PXDNL: variants seen among roughly 807,000 people sequenced by gnomAD.
The protein encoded by PXDNL is probable oxidoreductase PXDNL.
A neutral mutation model predicts 150.8 loss-of-function variants in PXDNL; 145 were observed. The observed-to-expected ratio is 0.96, with a 90% CI of 0.84 to 1.10. The LOEUF (loss-of-function observed/expected upper bound fraction) is 1.10, where lower values mean the gene tolerates loss of function less well. Ranked by LOEUF, PXDNL falls within the 50% of genes least tolerant of loss-of-function variation. The pLI, the probability that PXDNL is intolerant of heterozygous loss-of-function variation, is 0.00. For synonymous variants in PXDNL, 757 were observed against 725.7 expected, an observed-to-expected ratio of 1.04 and a Z score of -0.69; for missense variants, 2,087 against 1,873.9, an observed-to-expected ratio of 1.11 and a Z score of -2.10.
At chr8:51,404,378 C>A (rs1171654515) in intron 17 of PXDNL, among the ~76,000 whole-genome samples, 3 of 151,850 alleles carry the variant, frequency 2.0e-5, no homozygotes, top group African/African-American at 7.3e-5. Flanking sequence ...TGTTTACAAT[C>A]CCTGAGCTAG....
At chr8:51,778,163 C>G (rs1309469299) in intron 1 of PXDNL, among the ~76,000 whole-genome samples, 1 of 151,892 alleles carries the variant, frequency 6.6e-6, no homozygotes, top group Non-Finnish European at 1.5e-5. Context: ...AATGAAACCC[C>G]TACTAAAAAT....
chr8:51,448,884 G>A (rs1336443382), intron 11 of PXDNL, 118 bp downstream of exon 11: 2 of 706,280 alleles, frequency 2.8e-6, no homozygotes, highest in African/African-American at 3.5e-5. Flanking sequence ...ATTATTTTCT[G>A]TGTAATTTTT....
At chr8:51,486,771 TATATATATATATATATATATATA>T (rs1563433416) in intron 5 of PXDNL, among the ~76,000 whole-genome samples, 27 of 8,810 alleles carry the variant, frequency 3.1e-3, no homozygotes, top group Admixed American at 5.5e-3. Flanking sequence ...TATATATATA[TATATATATATATATATATATATA>T]TTTTTTTTTT....
rs530750202 is a variant in PXDNL, at chr8:51,453,466, T to A, written c.1249+53A>T. 27 of 1,566,152 alleles carry A rather than the reference T, an allele frequency of 1.7e-5. No individual in the cohort carries two copies. In the African/African-American group the frequency reaches 3.6e-4, roughly 21 times the overall value. On this transcript the variant is annotated intron_variant, in intron 10 of 22. Transcript: ENST00000356297. Reference sequence around the variant, plus strand: ...TGACATTATTTAAGTTGAAAAATAATTTTCTGAGTGTGGCAGGAGGAACAT... The same window carrying A: ...TGACATTATTTAAGTTGAAAAATAAATTTCTGAGTGTGGCAGGAGGAACAT...
intron 9 of PXDNL, among the ~76,000 whole-genome samples, chr8:51,454,848 A>T (rs1301555049): frequency 1.3e-5 from 2 of 152,208 alleles, no homozygotes; most frequent in African/African-American, 2.4e-5. Flanking sequence ...AGCTGCATGA[A>T]CAGAGGACAG....
chr8:51,550,094 C>A (rs4416812), intron 4 of PXDNL, among the ~76,000 whole-genome samples: 55,248 of 151,886 alleles, frequency 0.36, 11,293 homozygotes, highest in African/African-American at 0.54. Context: ...GAGATGAATA[C>A]ATTCCTGGAA....
chr8:51,421,665 C>T (rs1420238505), intron 14 of PXDNL, among the ~76,000 whole-genome samples: 6 of 152,156 alleles, frequency 3.9e-5, no homozygotes, highest in Non-Finnish European at 8.8e-5. Context: ...TGCCCCTGCA[C>T]TCCAGCCTGG....
intron 2 of PXDNL, among the ~76,000 whole-genome samples, chr8:51,641,859 T>C (rs1160025310): frequency 6.6e-6 from 1 of 152,142 alleles, no homozygotes; most frequent in Non-Finnish European, 1.5e-5. Context: ...TTACTGGGTA[T>C]ATACCAAAAG....
chr8:51,333,993 C>G (rs1805768791), intron 21 of PXDNL, among the ~76,000 whole-genome samples: 3 of 152,068 alleles, frequency 2.0e-5, no homozygotes, highest in Admixed American at 6.5e-5. Context: ...ACAGAACACT[C>G]CATTCAACAA....
At chr8:51,514,589 C>T (rs1811496054) in intron 4 of PXDNL, among the ~76,000 whole-genome samples, 1 of 152,170 alleles carries the variant, frequency 6.6e-6, no homozygotes, top group Non-Finnish European at 1.5e-5. Context: ...TAAATGCCTT[C>T]CAATACATAG....
intron 3 of PXDNL, among the ~76,000 whole-genome samples, chr8:51,590,547 G>A (rs1813422202): frequency 6.6e-6 from 1 of 152,168 alleles, no homozygotes; most frequent in Admixed American, 6.5e-5. Context: ...ATGTCCAGAA[G>A]GTGGCAAATG....
At chr8:51,519,929 GA>G (rs957916360) in intron 4 of PXDNL, among the ~76,000 whole-genome samples, 1 of 152,180 alleles carries the variant, frequency 6.6e-6, no homozygotes, top group African/African-American at 2.4e-5. Flanking sequence ...CCTTCAGGCA[GA>G]AAAAAACCAC....
At position 51,408,871 on chromosome 8, in the gene PXDNL, C is replaced by T. The variant is rs376644287; in HGVS notation, c.2753G>A (p.Gly918Asp). Residue 918 changes from glycine (G) to aspartate (D), a missense_variant, in exon 17 of 23, where the codon GGT becomes GAT. Physicochemically the swap from Gly to Asp is moderately conservative, Grantham distance 94. Coordinates refer to ENST00000356297, the MANE Select transcript of PXDNL (RefSeq NM_144651.5). ...QALRDPSVPR[G>D]LLKTGFPWPP... ...CCAAGGAAAGCCTGTCTTCAGGAGA[C>T]CCCGAGGCACCGAAGGGTCTCTGAG... 11 of 1,594,274 alleles carry T rather than the reference C, an allele frequency of 6.9e-6. No homozygotes were observed. In the African/African-American group the frequency reaches 1.2e-4, roughly 18 times the overall value.
rs547364234 is a variant in PXDNL, at chr8:51,790,050, T to C, written c.164+19131A>G. Among the ~76,000 whole-genome samples, 32 of 152,308 alleles carry C rather than the reference T, an allele frequency of 2.1e-4. No individual in the cohort carries two copies. The East Asian group carries it at 5.2e-3, about 25-fold the overall frequency. ...GCTTGTTTTTTAAAAATGTCTCTAA[T>C]GCATTAAAATCTATGAGGTTATTCA... is the stretch of plus-strand genomic sequence containing the variant. On this transcript the variant is annotated intron_variant, in intron 1 of 22. Transcript: ENST00000356297.
At chr8:51,469,696 C>A (rs1810281877) in intron 8 of PXDNL, among the ~76,000 whole-genome samples, 1 of 151,976 alleles carries the variant, frequency 6.6e-6, no homozygotes, top group African/African-American at 2.4e-5. Context: ...TAGCCTGGTT[C>A]ATGTTGAACA....
At chr8:51,746,609 G>A (rs148177879) in intron 1 of PXDNL, among the ~76,000 whole-genome samples, 303 of 152,238 alleles carry the variant, frequency 2.0e-3, no homozygotes, top group Non-Finnish European at 3.1e-3. Context: ...CACATGTAGC[G>A]TTTATCTCGG....
At chr8:51,383,735 T>A (rs774088166) in intron 17 of PXDNL, among the ~76,000 whole-genome samples, 1 of 152,206 alleles carries the variant, frequency 6.6e-6, no homozygotes, top group African/African-American at 2.4e-5. Context: ...TATTTTGATA[T>A]ACAGAGAGTT....
intron 13 of PXDNL, 52 bp from the exon 14 acceptor site, chr8:51,423,783 C>A (rs950533744): frequency 5.9e-6 from 9 of 1,515,298 alleles, no homozygotes; most frequent in Non-Finnish European, 7.2e-6. Flanking sequence ...CTTAAAAAAT[C>A]ATTTATTTAC....
chr8:51,717,819 C>A lies in PXDNL; in HGVS notation c.165-63059G>T, dbSNP rs191321394. On this transcript the variant is annotated intron_variant, in intron 1 of 22. Transcript: ENST00000356297. ...TTTGTGGTCAGGCAGTGTCACCCTGCAGGATTCTGTTGGCAAAAGGGAACG... is the reference window on the plus strand; with the variant it reads ...TTTGTGGTCAGGCAGTGTCACCCTGAAGGATTCTGTTGGCAAAAGGGAACG... Among the ~76,000 whole-genome samples the A allele has an allele frequency of 5.1e-4, 77 of 152,294 alleles. 1 individual carries two copies. The highest frequency in any genetic ancestry group is 3.5e-3 in the Admixed American group (53 of 15,304).
Sources: gnomAD v4.1 joint callset for allele counts (sites outside exome capture counted in the v4.1 genomes callset) on GRCh38, gnomAD v4.1.1 for gene constraint, MANE v1.5 for transcripts, NCBI Gene and HGNC (gene_info 2026-07-23, HGNC 2026-07-21) for gene names.